LOC400499: variants seen among roughly 807,000 people sequenced by gnomAD.
chr16:11,423,194 A>G, the LOC400499 span: 3 of 399,318 alleles, frequency 7.5e-6, no homozygotes, highest in Non-Finnish European at 1.3e-5. Context: ...GAGGCTGCCC[A>G]GCGATGTCCC....
the LOC400499 span, among the ~76,000 whole-genome samples, chr16:11,515,256 G>C: frequency 2.6e-5 from 4 of 151,770 alleles, no homozygotes; most frequent in African/African-American, 9.7e-5. Flanking sequence ...GATCAGCCTG[G>C]ACAACACAGC....
chr16:11,450,598 G>A, the LOC400499 span: 1 of 1,535,378 alleles, frequency 6.5e-7, no homozygotes, highest in Non-Finnish European at 8.7e-7. Flanking sequence ...CGGGGGCCGA[G>A]CACTGCTCAC....
the LOC400499 span, chr16:11,522,029 G>A: frequency 2.3e-5 from 9 of 399,268 alleles, no homozygotes; most frequent in African/African-American, 1.6e-4. Flanking sequence ...CCCTCCACCA[G>A]GACGTCCTGC....
At chr16:11,494,391 G>C in the LOC400499 span, among the ~76,000 whole-genome samples, 1 of 151,230 alleles carries the variant, frequency 6.6e-6, no homozygotes, top group African/African-American at 2.4e-5. Flanking sequence ...AGAAGGGGCA[G>C]TGGCGTGGGG....
the LOC400499 span, chr16:11,398,502 C>T: frequency 3.2e-6 from 4 of 1,232,212 alleles, no homozygotes; most frequent in Non-Finnish European, 1.0e-6. Context: ...CTGAGATGGC[C>T]AATGCCTCTG....
At chr16:11,462,368 G>A in the LOC400499 span, 21 of 1,403,968 alleles carry the variant, frequency 1.5e-5, no homozygotes, top group African/African-American at 8.8e-5. Flanking sequence ...CTTACCACAC[G>A]AACTGGGACC....
chr16:11,481,453 G>C, the LOC400499 span, among the ~76,000 whole-genome samples: 26,145 of 151,538 alleles, frequency 0.17, 2,366 homozygotes, highest in Non-Finnish European at 0.19. Flanking sequence ...CTCTTGATTA[G>C]GTGGGATTAT....
chr16:11,471,560 A>G, the LOC400499 span: 1 of 398,714 alleles, frequency 2.5e-6, no homozygotes, highest in Non-Finnish European at 4.4e-6. Context: ...ACAGCCCCAG[A>G]GAGGAGCCCC....
the LOC400499 span, among the ~76,000 whole-genome samples, chr16:11,445,825 C>T: frequency 7.8e-6 from 1 of 128,852 alleles, no homozygotes; most frequent in Non-Finnish European, 1.6e-5. Context: ...AGAACCCAGT[C>T]AGGAGAACCT....
chr16:11,521,110 CTT>C, the LOC400499 span, among the ~76,000 whole-genome samples: 1 of 152,162 alleles, frequency 6.6e-6, no homozygotes, highest in African/African-American at 2.4e-5. Context: ...ATATTGGACA[CTT>C]TAAGAATTCA....
the LOC400499 span, chr16:11,399,122 G>C: frequency 2.8e-6 from 2 of 703,174 alleles, no homozygotes; most frequent in South Asian, 1.2e-4. Flanking sequence ...GCCCTATCAG[G>C]TAATGATGCT....
the LOC400499 span, chr16:11,423,109 G>T: frequency 4.3e-4 from 173 of 399,128 alleles, no homozygotes; most frequent in African/African-American, 3.3e-3. Flanking sequence ...CTGTGATCAG[G>T]CTGTGCCAGC....
the LOC400499 span, among the ~76,000 whole-genome samples, chr16:11,441,516 G>C: frequency 0.057 from 8,713 of 152,250 alleles, 309 homozygotes; most frequent in East Asian, 0.14. Context: ...GCTGGCAGAA[G>C]AACACTCATT....
At chr16:11,393,567 G>C in the LOC400499 span, 3 of 1,232,210 alleles carry the variant, frequency 2.4e-6, no homozygotes, top group African/African-American at 3.1e-5. Flanking sequence ...AAGCTGGGAG[G>C]GGGAAGGCAG....
the LOC400499 span, chr16:11,392,170 C>T: frequency 4.3e-5 from 17 of 399,242 alleles, no homozygotes; most frequent in African/African-American, 1.0e-4. Context: ...TCGGTGCCAG[C>T]AGCAGGTGTG....
At chr16:11,408,466 T>C in the LOC400499 span, among the ~76,000 whole-genome samples, 1 of 150,980 alleles carries the variant, frequency 6.6e-6, no homozygotes, top group Non-Finnish European at 1.5e-5. Flanking sequence ...TTTTTTTTTT[T>C]TTTTTTAGAC....
the LOC400499 span, among the ~76,000 whole-genome samples, chr16:11,408,271 C>G: frequency 6.6e-6 from 1 of 152,016 alleles, no homozygotes; most frequent in South Asian, 2.1e-4. Context: ...TGTGAGCTAC[C>G]GCACCCAGCC....
the LOC400499 span, among the ~76,000 whole-genome samples, chr16:11,406,028 T>C: frequency 2.0e-5 from 3 of 152,202 alleles, no homozygotes. Flanking sequence ...TTAAAAAATG[T>C]ATTTTAGATT....
the LOC400499 span, among the ~76,000 whole-genome samples, chr16:11,505,347 A>T: frequency 6.6e-6 from 1 of 152,106 alleles, no homozygotes; most frequent in African/African-American, 2.4e-5. Flanking sequence ...AGACAATAGT[A>T]AAATGTAGTA....
Sources: gnomAD v4.1 joint callset for allele counts (sites outside exome capture counted in the v4.1 genomes callset) on GRCh38, gnomAD v4.1.1 for gene constraint, MANE v1.5 for transcripts.